The following WHAMM variants were observed in gnomAD, a reference collection of about 807,000 sequenced individuals.
The protein encoded by WHAMM is WASP homolog associated with actin, golgi membranes and microtubules, also known as WASP homolog-associated protein with actin, membranes and microtubules.
A neutral mutation model predicts 76.5 loss-of-function variants in WHAMM; 67 were observed. The ratio of observed to expected loss-of-function variants is 0.88; its 90% CI spans 0.72 to 1.07. The LOEUF is 1.07. Ranked by LOEUF, WHAMM falls within the 50% of genes least tolerant of loss-of-function variation. The pLI is 0.00. For missense variants in WHAMM, 1,021 were observed against 1,051.1 expected, an observed-to-expected ratio of 0.97 and a Z score of 0.40; for synonymous variants, 419 against 422.1, an observed-to-expected ratio of 0.99 and a Z score of 0.09.
intron 6 of WHAMM, among the ~76,000 whole-genome samples, chr15:82,824,433 G>C (rs1482758902): frequency 2.6e-5 from 4 of 152,102 alleles, no homozygotes; most frequent in Non-Finnish European, 5.9e-5. Flanking sequence ...ATTCAAGCCT[G>C]CCTCAGCCCC....
At chr15:82,827,243 TA>T (rs1162042483) in intron 8 of WHAMM, among the ~76,000 whole-genome samples, 1 of 152,218 alleles carries the variant, frequency 6.6e-6, no homozygotes, top group Non-Finnish European at 1.5e-5. Context: ...GATATAAGTG[TA>T]GTGAAAGTGC....
chr15:82,809,760 T>C lies in WHAMM; in HGVS notation c.34T>C (p.Trp12Arg). ...CGAGCAGCCTGACAGCCTGGAGGGC[T>C]GGGTGCCGGTCCGGGAGGGCCTCTT... ...EDEQPDSLEG[W>R]VPVREGLFAE... The change falls in exon 1 of 10, where the codon TGG (tryptophan) becomes CGG (arginine). Residue 12 changes from tryptophan to arginine, a missense_variant. By Grantham distance (101) the Trp-to-Arg change is moderately radical. This residue lies in a region of WHAMM where 501 missense variants were observed against 524.9 expected (regional missense o/e 0.95). Transcript: ENST00000286760. 1 of 1,578,802 alleles carries C rather than the reference T, an allele frequency of 6.3e-7. No homozygotes were observed. Among genetic ancestry groups the C allele is most frequent in the Non-Finnish European group, 8.6e-7 (1 of 1,163,058 alleles).
intron 8 of WHAMM, 21 bp downstream of exon 8, chr15:82,826,867 C>A: frequency 1.3e-6 from 2 of 1,534,994 alleles, no homozygotes; most frequent in Non-Finnish European, 8.8e-7. Flanking sequence ...TAAACAATCA[C>A]CTCATCTACA....
chr15:82,829,906 T>C (rs1424869804), intron 8 of WHAMM, among the ~76,000 whole-genome samples: 1 of 152,214 alleles, frequency 6.6e-6, no homozygotes, highest in Admixed American at 6.5e-5. Context: ...ATTAGCTCTT[T>C]GTAGGGCTAG....
Position 82,809,864 on chromosome 15 carries a change from C to T in WHAMM, c.138C>T (p.His46=), listed in dbSNP as rs375686831. ...AGGGCAAGTTCGCTGTGACTTGTCA[C>T]GACCGTACCGCGCAGCAGCGGCGGC... ...GAEGKFAVTC[H]DRTAQQRRLR... The change falls in exon 1 of 10, where the codon CAC becomes CAT. Residue 46 remains histidine, a synonymous_variant. Coordinates refer to ENST00000286760, the MANE Select transcript of WHAMM (RefSeq NM_001080435.3). 1.4e-5 allele frequency: 22 copies of T among 1,588,550 alleles called. No individual in the cohort carries two copies. The highest frequency in any genetic ancestry group is 1.6e-5 in the Non-Finnish European group (19 of 1,167,452).
chr15:82,814,784 T>TTTG (rs2050691442), intron 2 of WHAMM, among the ~76,000 whole-genome samples: 2 of 142,284 alleles, frequency 1.4e-5, no homozygotes, highest in Non-Finnish European at 3.1e-5. Flanking sequence ...TTTTTTTTTT[T>TTTG]TTTGAGACAG....
chr15:82,822,765 A>G (rs1025041830), intron 5 of WHAMM, among the ~76,000 whole-genome samples: 9 of 152,204 alleles, frequency 5.9e-5, no homozygotes, highest in African/African-American at 2.2e-4. Context: ...CCCATGGAAA[A>G]TGTTCTTTTA....
Position 82,833,265 on chromosome 15 carries a change from G to T in WHAMM, c.2159G>T (p.Gly720Val), listed in dbSNP as rs767778140. The part of the protein sequence containing the change: ...MDEVLASLRH[G>V]RAPLRKVEVP... Reference sequence around the variant, plus strand: ...GAAGTGTTGGCCTCCTTAAGGCATGGCAGAGCTCCTCTCCGGAAGGTGGAA... The same window carrying T: ...GAAGTGTTGGCCTCCTTAAGGCATGTCAGAGCTCCTCTCCGGAAGGTGGAA... Residue 720 changes from glycine to valine, a missense_variant, in exon 10 of 10, where the codon GGC becomes GTC. Gly to Val is a moderately radical substitution (Grantham distance 109). Coordinates refer to ENST00000286760, the MANE Select transcript of WHAMM (RefSeq NM_001080435.3). 4.3e-6 allele frequency: 7 copies of T among 1,613,942 alleles called. No homozygotes were observed. Among genetic ancestry groups the T allele is most frequent in the Non-Finnish European group, 5.9e-6 (7 of 1,179,880 alleles).
Position 82,831,092 on chromosome 15 carries a change from A to T in WHAMM, c.2122+13A>T. On this transcript the variant is annotated intron_variant, in intron 9 of 9. Transcript: ENST00000286760. ...TTTTCATGTCCAGGTAATCCACTGGAATTCTGTCCCTGCTCCCCATGAGTT... is the reference window on the plus strand; with the variant it reads ...TTTTCATGTCCAGGTAATCCACTGGTATTCTGTCCCTGCTCCCCATGAGTT... 6.3e-7 allele frequency: 1 copy of T among 1,599,894 alleles called. No homozygotes were observed. The highest frequency in any genetic ancestry group is 8.5e-7 in the Non-Finnish European group (1 of 1,177,654).
At chr15:82,817,447 T>TTAAC (rs2050745061) in intron 3 of WHAMM, among the ~76,000 whole-genome samples, 2 of 152,196 alleles carry the variant, frequency 1.3e-5, no homozygotes, top group Non-Finnish European at 2.9e-5. Flanking sequence ...AGGAAACAAC[T>TTAAC]TAACGTCTGT....
At chr15:82,818,778 G>C (rs1257026126) in intron 4 of WHAMM, among the ~76,000 whole-genome samples, 2 of 152,144 alleles carry the variant, frequency 1.3e-5, no homozygotes, top group South Asian at 4.1e-4. Flanking sequence ...ATTTCTCACA[G>C]TTCTGGAGGC....
At position 82,810,153 on chromosome 15, in the gene WHAMM, C is replaced by T; in HGVS notation, c.427C>T (p.Gln143Ter). 1 of 1,390,574 alleles carries T rather than the reference C, an allele frequency of 7.2e-7. No homozygotes were observed. The highest frequency in any genetic ancestry group is 2.6e-5 in the Admixed American group (1 of 37,772). 86.1% of individuals were successfully genotyped at this position (1,390,574 alleles called of 1,614,324 possible). A position where few individuals can be genotyped will look rare whatever the true frequency, so the allele number is the denominator to read the frequency against. Reference protein sequence around the residue: ...TRAGPGEAALQELCGQLERYL... With the variant: ...TRAGPGEAAL ...CGCGGGTCCCGGCGAGGCGGCGCTG[C>T]AGGAGCTGTGCGGGCAGCTGGAACG... The change falls in exon 1 of 10, where the codon CAG (glutamine) becomes TAG (stop). Residue 143 changes from glutamine (Q) to a stop codon, truncating the protein, a stop_gained. Transcript: ENST00000286760. LOFTEE classifies it high-confidence loss of function.
At position 82,826,802 on chromosome 15, in the gene WHAMM, C is replaced by T. The variant is rs376930709; in HGVS notation, c.1597C>T (p.Gln533Ter). 9 of 1,549,090 alleles carry T rather than the reference C, an allele frequency of 5.8e-6. No individual in the cohort carries two copies. The highest frequency in any genetic ancestry group is 7.8e-6 in the Non-Finnish European group (9 of 1,146,928). Residue 533 changes from glutamine (Q) to a stop codon, truncating the protein, a stop_gained, in exon 8 of 10, where the codon CAA becomes TAA. Coordinates refer to ENST00000286760, the MANE Select transcript of WHAMM (RefSeq NM_001080435.3). LOFTEE classifies it high-confidence loss of function. ...EEQKKKEWIN[Q>*]ERQKTLQRLR... is the part of the protein sequence containing the mutation. ...GCAAAAGAAAAAAGAATGGATCAAC[C>T]AAGAACGTCAAAAAACACTCCAACG...
intron 6 of WHAMM, among the ~76,000 whole-genome samples, chr15:82,825,744 C>T (rs549967389): frequency 1.4e-4 from 21 of 151,254 alleles, no homozygotes; most frequent in African/African-American, 4.9e-4. Flanking sequence ...GCCGAGATCA[C>T]GCCACTGCAC....
chr15:82,834,466 C>T lies in WHAMM; in HGVS notation c.*930C>T, dbSNP rs1221686621. On this transcript the variant is annotated 3_prime_UTR_variant, in exon 10 of 10. Coordinates refer to ENST00000286760, the MANE Select transcript of WHAMM (RefSeq NM_001080435.3). ...AAGTGTCGCTGGCCTAAGAGAAGAG[C>T]ACTTATTTCTCACCATGGCTGATCT... 1.3e-5 allele frequency: 2 copies of T among 152,670 alleles called. No homozygotes were observed. Among genetic ancestry groups the T allele is most frequent in the African/African-American group, 4.8e-5 (2 of 41,462 alleles). The allele number at this position is 152,670 out of a possible 1,614,324, so 9.5% of individuals were successfully genotyped here. A position where few individuals can be genotyped will look rare whatever the true frequency, so the allele number is the denominator to read the frequency against.
intron 3 of WHAMM, 73 bp from the exon 4 acceptor site, chr15:82,817,847 A>T (rs914940894): frequency 7.8e-7 from 1 of 1,287,636 alleles, no homozygotes; most frequent in African/African-American, 1.5e-5. Context: ...GGCAATAAAA[A>T]AAGGATTAGC....
chr15:82,824,576 C>A (rs2050897843), intron 6 of WHAMM, among the ~76,000 whole-genome samples: 1 of 152,204 alleles, frequency 6.6e-6, no homozygotes, highest in Admixed American at 6.5e-5. Flanking sequence ...CCGCCTTGGC[C>A]TCCCAAAGTG....
rs770782158 is a variant in WHAMM at position 82,809,735 on chromosome 15, C to A, written c.9C>A (p.Asp3Glu). ...CGCTGCTGCCGACAGCCATGGAGGA[C>A]GAGCAGCCTGACAGCCTGGAGGGCT... is the stretch of plus-strand genomic sequence containing the variant. MEDEQPDSLEGWV... is the reference protein window; with the variant it reads MEEEQPDSLEGWV... Residue 3 changes from aspartate to glutamate, a missense_variant, in exon 1 of 10, where the codon GAC becomes GAA. Physicochemically the swap from Asp to Glu is conservative, Grantham distance 45 (BLOSUM62 2). Around this residue, in one of 3 missense-constraint regions of WHAMM, gnomAD observed 501 missense variants for 524.9 expected, o/e 0.95. Coordinates refer to ENST00000286760, the MANE Select transcript of WHAMM (RefSeq NM_001080435.3). The A allele has an allele frequency of 5.9e-6, 9 of 1,524,884 alleles. No individual in the cohort carries two copies. Among genetic ancestry groups the A allele is most frequent in the Non-Finnish European group, 5.3e-6 (6 of 1,136,496 alleles). 94.5% of individuals were successfully genotyped at this position (1,524,884 alleles called of 1,614,324 possible).
chr15:82,820,375 G>T (rs1465681883), intron 5 of WHAMM, among the ~76,000 whole-genome samples: 2 of 152,122 alleles, frequency 1.3e-5, no homozygotes, highest in African/African-American at 4.8e-5. Flanking sequence ...GTTTTGAACA[G>T]TAGTGTAGTG....
Sources: gnomAD v4.1 joint callset for allele counts (sites outside exome capture counted in the v4.1 genomes callset) on GRCh38, gnomAD v4.1.1 for gene constraint, gnomAD v4.1.1 regional missense constraint, MANE v1.5 for transcripts, NCBI Gene and HGNC (gene_info 2026-07-23, HGNC 2026-07-21) for gene names.